Variants in DNAJB5 observed in about 807,000 individuals in gnomAD.
DNAJB5 encodes the protein dnaJ homolog subfamily B member 5.
In DNAJB5, 12 loss-of-function variants were observed where a neutral mutation model predicts 32.6. The observed-to-expected ratio is 0.37, with a 90% CI of 0.24 to 0.60. DNAJB5 has a LOEUF of 0.60. DNAJB5 is among the 20% of genes least tolerant of loss of function. The probability of loss-of-function intolerance (pLI) is 0.71; values close to 1 mark genes in which losing one functional copy is unlikely to be tolerated. For synonymous variants in DNAJB5, 188 were observed against 212.9 expected (o/e 0.88, Z 1.02); for missense variants, 358 against 554.2 (o/e 0.65, Z 3.55).
At chr9:34,991,441 C>T (rs987449637) in intron 2 of DNAJB5, 4 of 455,418 alleles carry the variant, frequency 8.8e-6, no homozygotes, top group East Asian at 6.9e-5. Context: ...GGAAGCTGGC[C>T]GGGTGTGGAG....
At chr9:34,991,467 C>T (rs1330301204) in intron 2 of DNAJB5, 1 of 454,318 alleles carries the variant, frequency 2.2e-6, no homozygotes, top group South Asian at 1.6e-5. Context: ...GCAGGGACAC[C>T]AAAAGGAGGT....
At chr9:34,994,052 G>A (rs901896312) in intron 3 of DNAJB5, among the ~76,000 whole-genome samples, 1 of 152,260 alleles carries the variant, frequency 6.6e-6, no homozygotes, top group Middle Eastern at 3.4e-3. Context: ...GTGGGAGGCA[G>A]GAAAGGCCCA....
chr9:34,990,589 C>A lies in DNAJB5; in HGVS notation c.-42C>A. On this transcript the variant is annotated 5_prime_UTR_variant, in exon 2 of 5. Transcript: ENST00000682809. This position sits in a 1 kb window ranked among gnomAD's most constrained non-coding sequence, Gnocchi z 4.5. The stretch of plus-strand genomic sequence containing the variant: ...CTTCCAGAGCTGCAGCACTTCAGGC[C>A]GGCTCCGGTGGAGCGATCAGAGGTG... 1.3e-6 allele frequency: 2 copies of A among 1,551,346 alleles called. No individual in the cohort carries two copies. Among genetic ancestry groups the A allele is most frequent in the Non-Finnish European group, 1.7e-6 (2 of 1,146,950 alleles).
In DNAJB5 at chr9:34,990,460, G is replaced by A. The variant is rs1304899698; in HGVS notation, c.-132-39G>A. The A allele has an allele frequency of 1.3e-6, 2 of 1,534,834 alleles. No homozygotes were observed. Among genetic ancestry groups the A allele is most frequent in the Admixed American group, 3.9e-5 (2 of 50,974 alleles). On this transcript the variant is annotated intron_variant, in intron 1 of 4. Transcript: ENST00000682809. The surrounding 1 kb of genome is among the most constrained non-coding windows in gnomAD (Gnocchi z 4.5). ...CTGCTGCACCTGAGAGCAGGTGGCC[G>A]CGGGTCTTCTCCCTTCACTCTCCAC...
Position 34,990,069 on chromosome 9 carries a change from G to C in DNAJB5, c.-133+238G>C, listed in dbSNP as rs1370015190. 6.6e-6 allele frequency among the ~76,000 whole-genome samples: 1 copy of C among 152,030 alleles called. No homozygotes were observed. The highest frequency in any genetic ancestry group is 6.5e-5 in the Admixed American group (1 of 15,282). On this transcript the variant is annotated intron_variant, in intron 1 of 4. Coordinates refer to ENST00000682809, the MANE Select transcript of DNAJB5 (RefSeq NM_001349723.3). This position sits in a 1 kb window ranked among gnomAD's most constrained non-coding sequence, Gnocchi z 4.5. ...GGGAGGGTCGAGTCGGACCGGACCAGATTGGGTTCTGTGGGGCGGAGGCAT... is the reference window on the plus strand; with the variant it reads ...GGGAGGGTCGAGTCGGACCGGACCACATTGGGTTCTGTGGGGCGGAGGCAT...
Position 34,993,185 on chromosome 9 carries a change from C to G in DNAJB5, c.183-15C>G. ...GAAGAGAAGGCATCAAGTCTTGGCC[C>G]TGGGTTTCTTTCAGAAACAAGGAGA... On this transcript the variant is annotated splice_polypyrimidine_tract_variant and intron_variant, in intron 2 of 4. Coordinates refer to ENST00000682809, the MANE Select transcript of DNAJB5 (RefSeq NM_001349723.3). The surrounding 1 kb of genome is among the most constrained non-coding windows in gnomAD (Gnocchi z 4.7). 6.2e-7 allele frequency: 1 copy of G among 1,605,184 alleles called. No individual in the cohort carries two copies. Among genetic ancestry groups the G allele is most frequent in the Non-Finnish European group, 8.5e-7 (1 of 1,176,596 alleles).
At position 34,990,677 on chromosome 9, in the gene DNAJB5, C is replaced by T; in HGVS notation, c.47C>T (p.Pro16Leu). The T allele has an allele frequency of 8.4e-6, 13 of 1,551,744 alleles. No homozygotes were observed. Among genetic ancestry groups the T allele is most frequent in the Non-Finnish European group, 1.1e-5 (13 of 1,146,996 alleles). ...VLSCPPPAAP[P>L]LQARGAFRSF... The stretch of plus-strand genomic sequence containing the variant: ...TCCTGCCCACCCCCAGCAGCACCCC[C>T]ACTGCAGGCCCGAGGAGCTTTCCGG... Residue 16 changes from proline to leucine, a missense_variant, in exon 2 of 5, where the codon CCA becomes CTA. Around this residue, in one of 2 missense-constraint regions of DNAJB5, gnomAD observed 110 missense variants for 111.7 expected, o/e 0.99. Transcript: ENST00000682809. This position sits in a 1 kb window ranked among gnomAD's most constrained non-coding sequence, Gnocchi z 4.5.
intron 3 of DNAJB5, among the ~76,000 whole-genome samples, chr9:34,995,500 G>T (rs1827766099): frequency 6.6e-6 from 1 of 152,174 alleles, no homozygotes; most frequent in African/African-American, 2.4e-5. Flanking sequence ...TCAACATTAG[G>T]TGTGGGGTAT....
intron 1 of DNAJB5, 146 bp downstream of exon 1, chr9:34,989,977 G>A: frequency 1.0e-6 from 1 of 982,492 alleles, no homozygotes; most frequent in Middle Eastern, 3.8e-4. Flanking sequence ...AGGGTGCTCG[G>A]AGTCCTAGAC....
At position 34,993,504 on chromosome 9, in the gene DNAJB5, G is replaced by A; in HGVS notation, c.427+60G>A. ...CCTCCGCTTGGTAGGGGTCCCAGGT[G>A]CACCAGTTTGTGTAGCGGGGAACTG... On this transcript the variant is annotated intron_variant, in intron 3 of 4. Coordinates refer to ENST00000682809, the MANE Select transcript of DNAJB5 (RefSeq NM_001349723.3). The surrounding 1 kb of genome is among the most constrained non-coding windows in gnomAD (Gnocchi z 4.7). 6.4e-7 allele frequency: 1 copy of A among 1,559,240 alleles called. No individual in the cohort carries two copies. Among genetic ancestry groups the A allele is most frequent in the South Asian group, 1.2e-5 (1 of 82,024 alleles).
chr9:34,997,417 C>G lies in DNAJB5; in HGVS notation c.*158C>G, dbSNP rs764830010. ...CAGGAAAATGTTCCTGTCCCTGACC[C>G]CTTTTAGAGCTGGGCTGCCTGGGGG... is the stretch of plus-strand genomic sequence containing the variant. On this transcript the variant is annotated 3_prime_UTR_variant, in exon 5 of 5. Transcript: ENST00000682809. This position sits in a 1 kb window ranked among gnomAD's most constrained non-coding sequence, Gnocchi z 4.1. 2 of 848,216 alleles carry G rather than the reference C, an allele frequency of 2.4e-6. No individual in the cohort carries two copies. The highest frequency in any genetic ancestry group is 3.3e-5 in the African/African-American group (2 of 59,822). The allele number at this position is 848,216 out of a possible 1,614,324, so 52.5% of individuals were successfully genotyped here.
At chr9:34,994,999 CCAT>C (rs978311554) in intron 3 of DNAJB5, among the ~76,000 whole-genome samples, 2 of 152,118 alleles carry the variant, frequency 1.3e-5, no homozygotes, top group African/African-American at 4.8e-5. Context: ...TTACCCCTTC[CCAT>C]CATCATCAGT....
In DNAJB5 at chr9:34,996,542, G is replaced by A; in HGVS notation, c.705G>A (p.Arg235=). The A allele has an allele frequency of 2.5e-6, 4 of 1,614,118 alleles. No homozygotes were observed. The highest frequency in any genetic ancestry group is 3.4e-6 in the Non-Finnish European group (4 of 1,180,024). ...PRRAPEPLYP[R]RKVQDPPVVH... is the part of the protein sequence containing the mutation. The stretch of plus-strand genomic sequence containing the variant: ...GAGCCCCAGAACCACTGTACCCTCG[G>A]CGCAAGGTGCAGGACCCCCCAGTGG... Residue 235 remains arginine, a synonymous_variant, in exon 4 of 5, where the codon CGG becomes CGA. Coordinates refer to ENST00000682809, the MANE Select transcript of DNAJB5 (RefSeq NM_001349723.3). The surrounding 1 kb of genome is among the most constrained non-coding windows in gnomAD (Gnocchi z 7.2).
Position 34,996,665 on chromosome 9 carries a change from G to A in DNAJB5, c.828G>A (p.Val276=). ...GCCTCAACCCTGATGGGCGAACTGT[G>A]CGCACCGAGGACAAGATCCTGCACA... ...RRRLNPDGRT[V]RTEDKILHIV... The change falls in exon 4 of 5, where the codon GTG becomes GTA. Residue 276 remains valine, a synonymous_variant. Transcript: ENST00000682809. This position sits in a 1 kb window ranked among gnomAD's most constrained non-coding sequence, Gnocchi z 7.2. 1 of 1,614,156 alleles carries A rather than the reference G, an allele frequency of 6.2e-7. No homozygotes were observed. The highest frequency in any genetic ancestry group is 8.5e-7 in the Non-Finnish European group (1 of 1,180,024).
At position 34,996,284 on chromosome 9, in the gene DNAJB5, C is replaced by T; in HGVS notation, c.447C>T (p.Gly149=). The change falls in exon 4 of 5, where the codon GGC becomes GGT. Residue 149 remains glycine (G), a synonymous_variant. Coordinates refer to ENST00000682809, the MANE Select transcript of DNAJB5 (RefSeq NM_001349723.3). The surrounding 1 kb of genome is among the most constrained non-coding windows in gnomAD (Gnocchi z 7.2). Reference sequence around the variant, plus strand: ...CTCTAGGCCTGAAGACCGGCGGTGGCACATCAGGTGGCTCCAGTGGCTCCT... The same window carrying T: ...CTCTAGGCCTGAAGACCGGCGGTGGTACATCAGGTGGCTCCAGTGGCTCCT... ...YGEEGLKTGG[G]TSGGSSGSFH... 1.9e-6 allele frequency: 3 copies of T among 1,613,762 alleles called. No homozygotes were observed. The highest frequency in any genetic ancestry group is 2.5e-6 in the Non-Finnish European group (3 of 1,179,724).
intron 2 of DNAJB5, chr9:34,992,669 C>T: frequency 2.0e-6 from 1 of 490,360 alleles, no homozygotes; most frequent in Non-Finnish European, 2.7e-6. Context: ...ACTCCAGACA[C>T]CCATTCCCTG....
intron 3 of DNAJB5, among the ~76,000 whole-genome samples, chr9:34,995,853 G>C (rs909085780): frequency 6.6e-6 from 1 of 152,170 alleles, no homozygotes; most frequent in Non-Finnish European, 1.5e-5. Context: ...ATGGCCCCTT[G>C]TCCTATATGT....
At position 34,990,491 on chromosome 9, in the gene DNAJB5, G is replaced by C. The variant is rs1827595009; in HGVS notation, c.-132-8G>C. 6 of 1,537,532 alleles carry C rather than the reference G, an allele frequency of 3.9e-6. No homozygotes were observed. The South Asian group carries it at 7.2e-5, about 18-fold the overall frequency. ...CTTCTCCCTTCACTCTCCACATTTG[G>C]GGATCAGGTCCGGCACCTGCTGCGC... On this transcript the variant is annotated splice_region_variant and splice_polypyrimidine_tract_variant and intron_variant, in intron 1 of 4. Coordinates refer to ENST00000682809, the MANE Select transcript of DNAJB5 (RefSeq NM_001349723.3). The surrounding 1 kb of genome is among the most constrained non-coding windows in gnomAD (Gnocchi z 4.5).
Position 34,997,399 on chromosome 9 carries a change from A to G in DNAJB5, c.*140A>G, listed in dbSNP as rs753327078. 1.0e-6 allele frequency: 1 copy of G among 972,454 alleles called. No individual in the cohort carries two copies. The allele number at this position is 972,454 out of a possible 1,614,324, so 60.2% of individuals were successfully genotyped here. On this transcript the variant is annotated 3_prime_UTR_variant, in exon 5 of 5. Transcript: ENST00000682809. The surrounding 1 kb of genome is among the most constrained non-coding windows in gnomAD (Gnocchi z 4.1). ...AAAAAAGCCACTGGTTTTCAGGAAA[A>G]TGTTCCTGTCCCTGACCCCTTTTAG... is the stretch of plus-strand genomic sequence containing the variant.
Sources: gnomAD v4.1 joint callset for allele counts (sites outside exome capture counted in the v4.1 genomes callset) on GRCh38, gnomAD v4.1.1 for gene constraint, gnomAD v4.1.1 regional missense constraint, Gnocchi (gnomAD v3.1) non-coding constraint, MANE v1.5 for transcripts, NCBI Gene and HGNC (gene_info 2026-07-23, HGNC 2026-07-21) for gene names.